The following MCTP2 variants were observed in gnomAD, a reference collection of about 807,000 sequenced individuals.
The protein encoded by MCTP2 is multiple C2 and transmembrane domain containing 2, also known as multiple C2 and transmembrane domain-containing protein 2.
MCTP2 carries 132 observed loss-of-function variants against 111.6 expected under a neutral mutation model. The observed-to-expected ratio is 1.18, with a 90% CI of 1.03 to 1.37. The LOEUF (loss-of-function observed/expected upper bound fraction) is 1.37. Among genes scored for constraint, MCTP2 ranks in the 40% most tolerant of loss-of-function variants. The pLI is 0.00. For synonymous variants in MCTP2, 395 were observed against 387.7 expected, an observed-to-expected ratio of 1.02 and a Z score of -0.22; for missense variants, 1,183 against 1,067.9, an observed-to-expected ratio of 1.11 and a Z score of -1.50.
chr15:94,337,707 G>C (rs761670840), intron 4 of MCTP2, among the ~76,000 whole-genome samples: 1 of 152,118 alleles, frequency 6.6e-6, no homozygotes, highest in African/African-American at 2.4e-5. Context: ...ACGCGCGTGT[G>C]CATGCCCAAG....
chr15:94,314,244 CTT>C, intron 2 of MCTP2, 36 bp from the exon 3 acceptor site: 1 of 1,523,424 alleles, frequency 6.6e-7, no homozygotes, highest in Non-Finnish European at 9.0e-7. Context: ...TATTAATTTG[CTT>C]TTGTAAAGCA....
At chr15:94,356,422 A>C in intron 9 of MCTP2, 121 bp downstream of exon 9, 104 of 880,600 alleles carry the variant, frequency 1.2e-4, no homozygotes, top group Non-Finnish European at 1.6e-6. Flanking sequence ...GCCTAACTAT[A>C]TTAAAGAGCA....
intron 17 of MCTP2, among the ~76,000 whole-genome samples, chr15:94,408,895 G>A (rs926068251): frequency 6.6e-6 from 1 of 151,608 alleles, no homozygotes; most frequent in Non-Finnish European, 1.5e-5. Context: ...TTGTGTGTAG[G>A]TCCAGGCTCT....
intron 17 of MCTP2, among the ~76,000 whole-genome samples, chr15:94,424,602 C>T (rs754634516): frequency 1.3e-5 from 2 of 152,148 alleles, no homozygotes; most frequent in Non-Finnish European, 2.9e-5. Context: ...AGGAGTAGGA[C>T]CACTAGGTTT....
intron 20 of MCTP2, among the ~76,000 whole-genome samples, chr15:94,461,497 T>G (rs1191138485): frequency 1.3e-5 from 2 of 152,040 alleles, no homozygotes; most frequent in African/African-American, 2.4e-5. Flanking sequence ...ATGCAGCATT[T>G]ATGCTAGACA....
In MCTP2 at chr15:94,243,138, G is replaced by A. The variant is rs111067791; in HGVS notation, c.-66+11474G>A. On this transcript the variant is annotated intron_variant, in intron 1 of 22. Coordinates refer to ENST00000357742, the MANE Select transcript of MCTP2 (RefSeq NM_001385001.1). ...GTGTATATATGTATCTACGGGTGTG[G>A]ATATATTTATATACGTGTGTGTATA... Among the ~76,000 whole-genome samples, 5 of 62,460 alleles carry A rather than the reference G, an allele frequency of 8.0e-5. 1 individual carries two copies. Among genetic ancestry groups the A allele is most frequent in the Non-Finnish European group, 1.8e-4 (5 of 27,638 alleles). 41.0% of individuals were successfully genotyped at this position (62,460 alleles called of 152,430 possible).
At chr15:94,278,852 A>G (rs563384715) in intron 1 of MCTP2, among the ~76,000 whole-genome samples, 1 of 152,148 alleles carries the variant, frequency 6.6e-6, no homozygotes, top group Admixed American at 6.5e-5. Context: ...TTATTAATTC[A>G]CTTAGGATAA....
chr15:94,323,950 T>G (rs923718125), intron 4 of MCTP2, among the ~76,000 whole-genome samples: 1 of 152,236 alleles, frequency 6.6e-6, no homozygotes, highest in Non-Finnish European at 1.5e-5. Flanking sequence ...TTCCGGGATG[T>G]TATACAAGAT....
At chr15:94,408,732 G>C (rs2082016754) in intron 17 of MCTP2, among the ~76,000 whole-genome samples, 1 of 152,154 alleles carries the variant, frequency 6.6e-6, no homozygotes, top group African/African-American at 2.4e-5. Flanking sequence ...TGTGAGTTGT[G>C]ATTCCAGACA....
intron 1 of MCTP2, among the ~76,000 whole-genome samples, chr15:94,274,623 CA>C (rs2074088522): frequency 6.6e-6 from 1 of 152,026 alleles, no homozygotes; most frequent in African/African-American, 2.4e-5. Flanking sequence ...TTAACATGGA[CA>C]AACTCCCCCC....
At chr15:94,256,252 A>C (rs2072762232) in intron 1 of MCTP2, among the ~76,000 whole-genome samples, 1 of 152,194 alleles carries the variant, frequency 6.6e-6, no homozygotes, top group African/African-American at 2.4e-5. Flanking sequence ...TAAGGTGTGT[A>C]TGAAACATTA....
chr15:94,462,659 C>T (rs1364807761), intron 20 of MCTP2, among the ~76,000 whole-genome samples: 1 of 152,090 alleles, frequency 6.6e-6, no homozygotes, highest in Non-Finnish European at 1.5e-5. Flanking sequence ...TTTTTTAAAG[C>T]GCCTACTACA....
chr15:94,241,769 C>T (rs2070977357), intron 1 of MCTP2, among the ~76,000 whole-genome samples: 1 of 151,452 alleles, frequency 6.6e-6, no homozygotes, highest in Non-Finnish European at 1.5e-5. Flanking sequence ...TTACAGTTTC[C>T]TAAGGCATAC....
chr15:94,422,870 T>A (rs186686427), intron 17 of MCTP2, among the ~76,000 whole-genome samples: 1 of 152,322 alleles, frequency 6.6e-6, no homozygotes, highest in East Asian at 1.9e-4. Flanking sequence ...TTTTCTTTTT[T>A]CTTCTGTAAA....
intron 19 of MCTP2, among the ~76,000 whole-genome samples, chr15:94,444,006 AC>A (rs1177321261): frequency 1.3e-3 from 182 of 144,280 alleles, no homozygotes; most frequent in African/African-American, 4.1e-3. Context: ...AAAAAAAAAA[AC>A]AGAAGTATTA....
intron 1 of MCTP2, among the ~76,000 whole-genome samples, chr15:94,287,779 C>T (rs956770467): frequency 1.3e-5 from 2 of 152,202 alleles, no homozygotes; most frequent in Non-Finnish European, 2.9e-5. Flanking sequence ...CATAGATCCC[C>T]TGGAGCTGGG....
At chr15:94,458,293 C>T in intron 20 of MCTP2, 47 bp downstream of exon 20, 1 of 1,151,820 alleles carries the variant, frequency 8.7e-7, no homozygotes, top group Non-Finnish European at 1.3e-6. Flanking sequence ...ACCTGCTATC[C>T]ACAAGGACAG....
chr15:94,279,953 A>G (rs2074396231), intron 1 of MCTP2, among the ~76,000 whole-genome samples: 1 of 152,168 alleles, frequency 6.6e-6, no homozygotes, highest in South Asian at 2.1e-4. Context: ...CAGAAATAGT[A>G]CTATATCATG....
chr15:94,360,228 C>A (rs931198912), intron 10 of MCTP2, among the ~76,000 whole-genome samples: 6 of 152,154 alleles, frequency 3.9e-5, no homozygotes, highest in African/African-American at 1.2e-4. Context: ...AGATTGCAAT[C>A]GTTTCTTCCC....
Sources: gnomAD v4.1 joint callset for allele counts (sites outside exome capture counted in the v4.1 genomes callset) on GRCh38, gnomAD v4.1.1 for gene constraint, MANE v1.5 for transcripts, NCBI Gene and HGNC (gene_info 2026-07-23, HGNC 2026-07-21) for gene names.